Variants in CEP295 observed in about 807,000 individuals in gnomAD.
The protein encoded by CEP295 is centrosomal protein 295.
CEP295 carries 190 observed loss-of-function variants against 291.6 expected under a neutral mutation model. The ratio of observed to expected loss-of-function variants is 0.65; its 90% confidence interval spans 0.58 to 0.73. The LOEUF (loss-of-function observed/expected upper bound fraction) is 0.73, where lower values mean the gene tolerates loss of function less well. CEP295 is among the 30% of genes least tolerant of loss of function. CEP295 has a pLI of 0.00. For missense variants in CEP295, 2,863 were observed against 2,949.4 expected, an observed-to-expected ratio of 0.97 and a Z score of 0.68; for synonymous variants, 993 against 1,038.8, an observed-to-expected ratio of 0.96 and a Z score of 0.85.
At chr11:93,686,528 T>A (rs1481560196) in intron 9 of CEP295, among the ~76,000 whole-genome samples, 1 of 152,202 alleles carries the variant, frequency 6.6e-6, no homozygotes, top group East Asian at 1.9e-4. Context: ...TCATTGTTTT[T>A]AAAAATCCTT....
At chr11:93,690,946 C>A (rs1230797954) in intron 10 of CEP295, among the ~76,000 whole-genome samples, 1 of 152,100 alleles carries the variant, frequency 6.6e-6, no homozygotes, top group Non-Finnish European at 1.5e-5. Flanking sequence ...TGTTGTTTAC[C>A]TGGCTGGTTC....
intron 7 of CEP295, among the ~76,000 whole-genome samples, chr11:93,681,678 T>C (rs904881237): frequency 7.2e-5 from 11 of 151,810 alleles, no homozygotes; most frequent in African/African-American, 2.7e-4. Flanking sequence ...CCTCCCAAAT[T>C]GCTGGGATTA....
chr11:93,694,079 A>G (rs1206385024), intron 12 of CEP295, among the ~76,000 whole-genome samples: 1 of 152,218 alleles, frequency 6.6e-6, no homozygotes, highest in Non-Finnish European at 1.5e-5. Flanking sequence ...CTGTCTGGGA[A>G]CTCAGTTGAA....
chr11:93,703,893 C>T (rs1187685630), intron 17 of CEP295, among the ~76,000 whole-genome samples: 1 of 151,572 alleles, frequency 6.6e-6, no homozygotes, highest in African/African-American at 2.4e-5. Flanking sequence ...CTCAGCCTCC[C>T]GAGGAGCTGG....
In CEP295 at chr11:93,730,089, G is replaced by GA. The variant is rs1161233790; in HGVS notation, c.7714dup (p.Thr2572AsnfsTer18). The GA allele has an allele frequency of 1.4e-5, 21 of 1,550,126 alleles. No individual in the cohort carries two copies. The highest frequency in any genetic ancestry group is 3.9e-5 in the Admixed American group (2 of 50,784). ...AGCTGAAGTGAAACAACAAAAGGAA[G>GA]AAAAAACAAAACAAGAAGCTTATGC... On this transcript the variant is annotated frameshift_variant, in exon 29 of 30. Transcript: ENST00000325212. LOFTEE classifies it high-confidence loss of function.
chr11:93,679,534 G>T lies in CEP295; in HGVS notation c.747G>T (p.Lys249Asn). Residue 249 changes from lysine to asparagine, a missense_variant, in exon 7 of 30, where the codon AAG (lysine) becomes AAT (asparagine). Around this residue, in one of 3 missense-constraint regions of CEP295, gnomAD observed 554 missense variants for 576.0 expected, o/e 0.96. Coordinates refer to ENST00000325212, the MANE Select transcript of CEP295 (RefSeq NM_033395.2). ...ATGTACGGGGATTCCAAGCAATGAA[G>T]AAGATCCATTTGGCTCAAGTAAGAC... is the stretch of plus-strand genomic sequence containing the variant. The part of the protein sequence containing the change: ...KAHVRGFQAM[K>N]KIHLAQNQEK... 1.3e-6 allele frequency: 2 copies of T among 1,551,348 alleles called. No individual in the cohort carries two copies. The highest frequency in any genetic ancestry group is 2.4e-5 in the South Asian group (2 of 84,040).
intron 17 of CEP295, among the ~76,000 whole-genome samples, 193 bp downstream of exon 17, chr11:93,703,112 C>T (rs1421509955): frequency 2.6e-5 from 4 of 152,030 alleles, no homozygotes; most frequent in Non-Finnish European, 4.4e-5. Flanking sequence ...TACAGGCGCC[C>T]GCCACCACAC....
intron 18 of CEP295, among the ~76,000 whole-genome samples, chr11:93,712,995 G>A (rs1436584372): frequency 6.6e-6 from 1 of 150,976 alleles, no homozygotes; most frequent in African/African-American, 2.4e-5. Context: ...TTACCCTGAA[G>A]CTTGCAGATA....
rs1458675019 is a variant in CEP295, at chr11:93,723,346, T to C, written c.6196+57T>C. 3.9e-6 allele frequency: 5 copies of C among 1,272,090 alleles called. No homozygotes were observed. The Admixed American group carries it at 1.1e-4, about 28-fold the overall frequency. The allele number at this position is 1,272,090 out of a possible 1,614,324, so 78.8% of individuals were successfully genotyped here. On this transcript the variant is annotated intron_variant, in intron 21 of 29. Transcript: ENST00000325212. ...AAATTAAGTTTTAAATTTTCACCTTTCATCATTTTAAATTTTATGCAGTGA... is the reference window on the plus strand; with the variant it reads ...AAATTAAGTTTTAAATTTTCACCTTCCATCATTTTAAATTTTATGCAGTGA...
intron 18 of CEP295, among the ~76,000 whole-genome samples, chr11:93,708,057 A>G (rs995967566): frequency 1.3e-5 from 2 of 152,328 alleles, no homozygotes; most frequent in South Asian, 2.1e-4. Flanking sequence ...TTGTGGCTAC[A>G]TAGTAGGTGT....
rs1950223911 is a variant in CEP295 at position 93,666,787 on chromosome 11, A to G, written c.80A>G (p.Glu27Gly). ...EEAFILKEDY[E>G]RRRKLRLLQV... ...GCCTTCATTTTGAAGGAAGATTATG[A>G]AAGAAGGCGAAAACTAAGATTGCTA... The change falls in exon 2 of 30, where the codon GAA (glutamate) becomes GGA (glycine). Residue 27 changes from glutamate (E) to glycine (G), a missense_variant. Glu to Gly is a moderately conservative substitution (Grantham distance 98, BLOSUM62 -2). Transcript: ENST00000325212. The G allele has an allele frequency of 6.5e-7, 1 of 1,545,828 alleles. No homozygotes were observed. The highest frequency in any genetic ancestry group is 2.0e-5 in the Admixed American group (1 of 50,878).
Position 93,683,596 on chromosome 11 carries a change from A to G in CEP295, c.803A>G (p.Gln268Arg). 6.5e-7 allele frequency: 1 copy of G among 1,533,136 alleles called. No individual in the cohort carries two copies. The highest frequency in any genetic ancestry group is 8.8e-7 in the Non-Finnish European group (1 of 1,142,616). The allele number at this position is 1,533,136 out of a possible 1,614,324, so 95.0% of individuals were successfully genotyped here. A position where few individuals can be genotyped will look rare whatever the true frequency, so the allele number is the denominator to read the frequency against. The change falls in exon 8 of 30, where the codon CAG (glutamine) becomes CGG (arginine). Residue 268 changes from glutamine (Q) to arginine (R), a missense_variant. Physicochemically the swap from Gln to Arg is conservative, Grantham distance 43 (BLOSUM62 1). This residue lies in a region of CEP295 where 554 missense variants were observed against 576.0 expected (regional missense o/e 0.96). Transcript: ENST00000325212. ...EKLMKELKQL[Q>R]QEDLARRRQT... The stretch of plus-strand genomic sequence containing the variant: ...CTAATGAAAGAACTCAAACAGCTAC[A>G]GCAAGAGGACCTGGCACGTAGGAGA...
At chr11:93,667,893 C>T in intron 3 of CEP295, 86 bp downstream of exon 3, 1 of 881,494 alleles carries the variant, frequency 1.1e-6, no homozygotes, top group Non-Finnish European at 1.7e-6. Context: ...TTTCTGATAA[C>T]ATTTTCATGC....
chr11:93,698,123 CTTCAGGCTAGGCA>C lies in CEP295; in HGVS notation c.3213_3225del (p.Gln1072LysfsTer22). ...ACAGTTGACTAAACAGAGGGATACT[CTTCAGGCTAGGCA>C]TGAAGCTCAGGTGGAATTACTTTTA... On this transcript the variant is annotated frameshift_variant, in exon 15 of 30. Coordinates refer to ENST00000325212, the MANE Select transcript of CEP295 (RefSeq NM_033395.2). LOFTEE classifies it high-confidence loss of function. 6.4e-7 allele frequency: 1 copy of C among 1,552,192 alleles called. No individual in the cohort carries two copies. Among genetic ancestry groups the C allele is most frequent in the Non-Finnish European group, 8.7e-7 (1 of 1,147,106 alleles).
Position 93,699,341 on chromosome 11 carries a change from CAGAA to C in CEP295, c.4434_4437del (p.Lys1478AsnfsTer34). ...TTTCCTTCCTTCTATTGAGAAAACC[CAGAA>C]AGAATTGGTTTTGTCAAAACCATGT... On this transcript the variant is annotated frameshift_variant, in exon 15 of 30. Transcript: ENST00000325212. LOFTEE classifies it high-confidence loss of function. The C allele has an allele frequency of 6.4e-7, 1 of 1,551,986 alleles. No homozygotes were observed. Among genetic ancestry groups the C allele is most frequent in the South Asian group, 1.2e-5 (1 of 84,038 alleles).
At chr11:93,724,218 C>A in intron 21 of CEP295, 36 bp from the exon 22 acceptor site, 1 of 1,510,618 alleles carries the variant, frequency 6.6e-7, no homozygotes, top group Non-Finnish European at 8.9e-7. Flanking sequence ...GATTTTTTTC[C>A]CTCAAAAATT....
chr11:93,720,907 C>A (rs1215267180), intron 18 of CEP295, among the ~76,000 whole-genome samples: 1 of 152,106 alleles, frequency 6.6e-6, no homozygotes, highest in Admixed American at 6.6e-5. Context: ...CTGGTGTTTT[C>A]TTTATTGTCT....
At chr11:93,702,953 A>C in intron 17 of CEP295, 34 bp downstream of exon 17, 1 of 1,512,422 alleles carries the variant, frequency 6.6e-7, no homozygotes, top group Non-Finnish European at 8.9e-7. Flanking sequence ...AAGATTTTTA[A>C]ATAATTTGCC....
chr11:93,696,864 T>C lies in CEP295; in HGVS notation c.1952T>C (p.Leu651Pro). 2.6e-6 allele frequency: 4 copies of C among 1,551,748 alleles called. No homozygotes were observed. Among genetic ancestry groups the C allele is most frequent in the Non-Finnish European group, 3.5e-6 (4 of 1,146,942 alleles). Residue 651 changes from leucine to proline, a missense_variant, in exon 15 of 30, where the codon CTC becomes CCC. Coordinates refer to ENST00000325212, the MANE Select transcript of CEP295 (RefSeq NM_033395.2). ...GAGCATTGGGATCAAGGTCAGAGAC[T>C]CAAGTTGAGTCCTAACAAATACCAA... is the stretch of plus-strand genomic sequence containing the variant. ...ISEHWDQGQR[L>P]KLSPNKYQPI...
Sources: gnomAD v4.1 joint callset for allele counts (sites outside exome capture counted in the v4.1 genomes callset) on GRCh38, gnomAD v4.1.1 for gene constraint, gnomAD v4.1.1 regional missense constraint, MANE v1.5 for transcripts, NCBI Gene and HGNC (gene_info 2026-07-23, HGNC 2026-07-21) for gene names.